The following NRG3 variants were observed in gnomAD, a reference collection of about 807,000 sequenced individuals.
NRG3 encodes pro-neuregulin-3, membrane-bound isoform.
In NRG3, 31 loss-of-function variants were observed where a neutral mutation model predicts 66.9. That is an observed-to-expected ratio of 0.46 (90% CI 0.35 to 0.63). The LOEUF (loss-of-function observed/expected upper bound fraction) is 0.63. Ranked by LOEUF, NRG3 falls within the 20% of genes least tolerant of loss-of-function variation. The probability of loss-of-function intolerance (pLI) is 0.00; values close to 1 mark genes in which losing one functional copy is unlikely to be tolerated. For missense variants in NRG3, 910 were observed against 878.9 expected, an observed-to-expected ratio of 1.04 and a Z score of -0.45; for synonymous variants, 393 against 359.4, an observed-to-expected ratio of 1.09 and a Z score of -1.06.
intron 4 of NRG3, among the ~76,000 whole-genome samples, chr10:82,880,425 A>T (rs942476638): frequency 3.3e-5 from 5 of 152,280 alleles, no homozygotes; most frequent in Non-Finnish European, 7.4e-5. Context: ...TCTTAAGGGA[A>T]TTTTTTTCCA....
At chr10:82,919,842 A>G (rs566616648) in intron 4 of NRG3, among the ~76,000 whole-genome samples, 3 of 152,308 alleles carry the variant, frequency 2.0e-5, no homozygotes, top group African/African-American at 7.2e-5. Flanking sequence ...CTGGAAAAGA[A>G]CATGACTTCT....
At chr10:82,444,637 TAGAGCTACTAGAAGTTTCC>T (rs1301447431) in intron 2 of NRG3, among the ~76,000 whole-genome samples, 3 of 152,236 alleles carry the variant, frequency 2.0e-5, no homozygotes, top group Admixed American at 6.5e-5. Context: ...ATTAGACATG[TAGAGCTACTAGAAGTTTCC>T]AAAGCAGAGG....
intron 2 of NRG3, among the ~76,000 whole-genome samples, chr10:82,362,571 G>A (rs571403431): frequency 1.0e-3 from 49 of 47,060 alleles, no homozygotes; most frequent in African/African-American, 3.5e-3. Flanking sequence ...TTTTTTTTTC[G>A]TAGAAATGGG....
chr10:81,963,408 C>T (rs530368350), intron 1 of NRG3, among the ~76,000 whole-genome samples: 2 of 152,160 alleles, frequency 1.3e-5, no homozygotes, highest in East Asian at 3.9e-4. Flanking sequence ...GCTGGGATTA[C>T]AGGCGTGAGC....
chr10:82,616,385 A>G (rs2048651488), intron 2 of NRG3, among the ~76,000 whole-genome samples: 1 of 152,314 alleles, frequency 6.6e-6, no homozygotes, highest in South Asian at 2.1e-4. Flanking sequence ...CAGTTTTTCT[A>G]TCTTACATTA....
At chr10:82,222,966 G>A (rs1449977117) in intron 1 of NRG3, among the ~76,000 whole-genome samples, 1 of 152,164 alleles carries the variant, frequency 6.6e-6, no homozygotes, top group African/African-American at 2.4e-5. Flanking sequence ...GCATTTGTAT[G>A]GAAGTCATGT....
intron 2 of NRG3, among the ~76,000 whole-genome samples, chr10:82,704,569 C>T (rs1011317082): frequency 1.3e-5 from 2 of 152,144 alleles, no homozygotes; most frequent in African/African-American, 2.4e-5. Flanking sequence ...TTATTCCAAT[C>T]CATGAGAGAA....
chr10:82,703,639 G>T (rs1427955634), intron 2 of NRG3, among the ~76,000 whole-genome samples: 2 of 152,078 alleles, frequency 1.3e-5, no homozygotes, highest in Admixed American at 1.3e-4. Flanking sequence ...GGGTTTTATT[G>T]TTAATTTCCT....
At chr10:82,408,555 C>A (rs1263088936) in intron 2 of NRG3, among the ~76,000 whole-genome samples, 1 of 151,284 alleles carries the variant, frequency 6.6e-6, no homozygotes, top group Non-Finnish European at 1.5e-5. Context: ...AATCTATACT[C>A]CAATTCTTGA....
At chr10:82,206,660 T>C (rs554651736) in intron 1 of NRG3, among the ~76,000 whole-genome samples, 4 of 152,348 alleles carry the variant, frequency 2.6e-5, no homozygotes, top group Admixed American at 1.3e-4. Flanking sequence ...CTTGCTTTCC[T>C]ATGTCAGGAC....
intron 4 of NRG3, among the ~76,000 whole-genome samples, chr10:82,906,643 G>GA (rs758842073): frequency 3.3e-5 from 5 of 152,176 alleles, no homozygotes; most frequent in Admixed American, 6.5e-5. Flanking sequence ...TGTCCAGTAG[G>GA]AAAAAAGGTT....
chr10:81,912,384 G>A (rs1845253306), intron 1 of NRG3, among the ~76,000 whole-genome samples: 1 of 152,074 alleles, frequency 6.6e-6, no homozygotes, highest in African/African-American at 2.4e-5. Context: ...ACCAAACCTG[G>A]TAGATTTTTA....
rs529068983 is a variant in NRG3, at chr10:82,469,554, T to G, written c.953+110686T>G. Among the ~76,000 whole-genome samples, 318 of 152,246 alleles carry G rather than the reference T, an allele frequency of 2.1e-3. 1 individual carries two copies. The highest frequency in any genetic ancestry group is 3.7e-3 in the Non-Finnish European group (249 of 68,024). ...TGAGAAAACTGACAAAGACGTACAG[T>G]TCAGGGAGTGATCATGGCTAGGCCA... On this transcript the variant is annotated intron_variant, in intron 2 of 8. Coordinates refer to ENST00000372141, the MANE Select transcript of NRG3 (RefSeq NM_001010848.4).
intron 1 of NRG3, among the ~76,000 whole-genome samples, chr10:82,017,713 G>T (rs533812369): frequency 6.6e-6 from 1 of 152,130 alleles, no homozygotes; most frequent in Non-Finnish European, 1.5e-5. Context: ...CTTTTCATGT[G>T]TCTGTTGGCT....
chr10:82,432,495 T>TA (rs532419949), intron 2 of NRG3, among the ~76,000 whole-genome samples: 2,222 of 117,972 alleles, frequency 0.019, 28 homozygotes, highest in Middle Eastern at 0.082. Flanking sequence ...GTATTTCTTC[T>TA]AAAAAAAAAA....
intron 2 of NRG3, among the ~76,000 whole-genome samples, chr10:82,702,948 A>G (rs1042625774): frequency 2.7e-5 from 4 of 149,892 alleles, no homozygotes; most frequent in Admixed American, 6.7e-5. Context: ...TACTATGTTC[A>G]GACTCCACTG....
chr10:82,078,856 T>C (rs564519485), intron 1 of NRG3, among the ~76,000 whole-genome samples: 1 of 152,320 alleles, frequency 6.6e-6, no homozygotes, highest in East Asian at 1.9e-4. Context: ...TTTCCTGTAG[T>C]AGCCACAAAC....
chr10:82,696,940 T>C (rs150037900), intron 2 of NRG3, among the ~76,000 whole-genome samples: 1,628 of 152,332 alleles, frequency 0.011, 25 homozygotes, highest in African/African-American at 0.038. Context: ...AAAACGTCCC[T>C]CCATTGCATT....
intron 1 of NRG3, among the ~76,000 whole-genome samples, chr10:81,963,926 C>T (rs1391169011): frequency 6.6e-6 from 1 of 152,166 alleles, no homozygotes; most frequent in South Asian, 2.1e-4. Flanking sequence ...ATCACTGTTT[C>T]ATCTGTGTTT....
Sources: allele counts gnomAD v4.1 joint callset (sites outside exome capture counted in the v4.1 genomes callset), GRCh38; gene constraint gnomAD v4.1.1; transcripts MANE v1.5; gene names NCBI Gene and HGNC (gene_info 2026-07-23, HGNC 2026-07-21).